CPM: variants seen among roughly 807,000 people sequenced by gnomAD.
CPM encodes renal carboxypeptidase.
CPM carries 35 observed loss-of-function variants against 46.4 expected under a neutral mutation model. The observed-to-expected ratio is 0.75, with a 90% confidence interval of 0.58 to 1.00. The LOEUF (loss-of-function observed/expected upper bound fraction) is 1.00, where lower values mean the gene tolerates loss of function less well. CPM is among the 50% of genes least tolerant of loss of function. The pLI is 0.00. For missense variants in CPM, 422 were observed against 530.4 expected, an observed-to-expected ratio of 0.80 and a Z score of 2.01; for synonymous variants, 195 against 195.3, an observed-to-expected ratio of 1.00 and a Z score of 0.01.
intron 2 of CPM, among the ~76,000 whole-genome samples, chr12:68,889,734 TC>T: frequency 6.6e-6 from 1 of 151,992 alleles, no homozygotes. Flanking sequence ...TATAAGATTC[TC>T]CCCGGGGCCT....
rs912078204 is a variant in CPM, at chr12:68,855,729, G to T, written c.*708C>A. ...GCACTCATGGTGAGGTGTTTTTTTT[G>T]TTTGTTTGTTTTTGTTTTTTTTTTT... On this transcript the variant is annotated 3_prime_UTR_variant, in exon 9 of 9. Transcript: ENST00000551568. 37 of 147,164 alleles carry T rather than the reference G, an allele frequency of 2.5e-4. No individual in the cohort carries two copies. Among genetic ancestry groups the T allele is most frequent in the African/African-American group, 9.3e-4 (36 of 38,642 alleles). 9.1% of individuals were successfully genotyped at this position (147,164 alleles called of 1,614,324 possible). A position where few individuals can be genotyped will look rare whatever the true frequency, so the allele number is the denominator to read the frequency against.
Position 68,904,505 on chromosome 12 carries a change from T to C in CPM, c.161-18616A>G, listed in dbSNP as rs540340906. Among the ~76,000 whole-genome samples, 136 of 152,344 alleles carry C rather than the reference T, an allele frequency of 8.9e-4. 1 individual carries two copies. Among genetic ancestry groups the C allele is most frequent in the Non-Finnish European group, 1.6e-3 (111 of 68,030 alleles). ...AGAGTCAAATGGTTGGGCTTCAGGA[T>C]GAGGCAGATTCTTAGGGGAAGATGG... On this transcript the variant is annotated intron_variant, in intron 2 of 8. Transcript: ENST00000551568.
chr12:68,934,478 A>G (rs907718122), upstream of CPM, among the ~76,000 whole-genome samples: 4 of 152,162 alleles, frequency 2.6e-5, no homozygotes, highest in African/African-American at 9.7e-5. Flanking sequence ...GCCGCAGCAT[A>G]GAAGAGTGGT....
At position 68,856,135 on chromosome 12, in the gene CPM, T is replaced by A. The variant is rs1321072254; in HGVS notation, c.*302A>T. 4 of 322,248 alleles carry A rather than the reference T, an allele frequency of 1.2e-5. No homozygotes were observed. Among genetic ancestry groups the A allele is most frequent in the Non-Finnish European group, 2.3e-5 (4 of 175,156 alleles). The allele number at this position is 322,248 out of a possible 1,614,324, so 20.0% of individuals were successfully genotyped here. A position where few individuals can be genotyped will look rare whatever the true frequency, so the allele number is the denominator to read the frequency against. The stretch of plus-strand genomic sequence containing the variant: ...AAAATGATCTTCTTTTTGCAGGCAT[T>A]TTTTTGCTTCTCAAGTTTTAACTTC... On this transcript the variant is annotated 3_prime_UTR_variant, in exon 9 of 9. Transcript: ENST00000551568.
intron 3 of CPM, among the ~76,000 whole-genome samples, chr12:68,874,627 A>T (rs1382456209): frequency 2.6e-5 from 4 of 152,150 alleles, no homozygotes; most frequent in African/African-American, 9.7e-5. Context: ...AAACCAAAAA[A>T]ATGTGAAAAA....
At chr12:68,880,345 G>T (rs1404785493) in intron 3 of CPM, among the ~76,000 whole-genome samples, 1 of 152,186 alleles carries the variant, frequency 6.6e-6, no homozygotes, top group Admixed American at 6.5e-5. Flanking sequence ...CACCACGAGT[G>T]CTATGTCTGT....
rs753851972 is a variant in CPM at position 68,858,974 on chromosome 12, G to A, written c.1038C>T (p.Asn346=). Residue 346 remains asparagine (N), a synonymous_variant, in exon 8 of 9, where the codon AAC becomes AAT. Coordinates refer to ENST00000551568, the MANE Select transcript of CPM (RefSeq NM_198320.5). Reference sequence around the variant, plus strand: ...GAAGGAGATAATACTCTCCATATTTGTTGGTTCTATAGGGGCAGATATGTT... The same window carrying A: ...GAAGGAGATAATACTCTCCATATTTATTGGTTCTATAGGGGCAGATATGTT... ...DRKHICPYRT[N]KYGEYYLLLL... is the part of the protein sequence containing the mutation. 6.4e-7 allele frequency: 1 copy of A among 1,562,476 alleles called. No individual in the cohort carries two copies. The highest frequency in any genetic ancestry group is 8.7e-7 in the Non-Finnish European group (1 of 1,153,474).
intron 2 of CPM, among the ~76,000 whole-genome samples, chr12:68,902,130 A>G (rs1887141113): frequency 6.6e-6 from 1 of 152,164 alleles, no homozygotes; most frequent in Non-Finnish European, 1.5e-5. Context: ...GGAGAGGTAA[A>G]TATGAGCTTT....
At chr12:68,934,487 G>A (rs1888633030), upstream of CPM, among the ~76,000 whole-genome samples, 1 of 152,160 alleles carries the variant, frequency 6.6e-6, no homozygotes. Flanking sequence ...TAGAAGAGTG[G>A]TTTAAGAACT....
Position 68,856,549 on chromosome 12 carries a change from T to C in CPM, c.1220A>G (p.Asn407Ser). 1 of 1,614,252 alleles carries C rather than the reference T, an allele frequency of 6.2e-7. No individual in the cohort carries two copies. Among genetic ancestry groups the C allele is most frequent in the Non-Finnish European group, 8.5e-7 (1 of 1,180,044 alleles). Residue 407 changes from asparagine to serine, a missense_variant, in exon 9 of 9, where the codon AAT becomes AGT. Transcript: ENST00000551568. ...QGQLDSIPVS[N>S]PSCPMIPLYR... ...TAGAGGAATCATTGGGCATGAAGGA[T>C]TTGATACTGGGATAGAATCCAATTG...
chr12:68,916,397 T>C (rs187501237), intron 2 of CPM, among the ~76,000 whole-genome samples: 33 of 152,332 alleles, frequency 2.2e-4, no homozygotes, highest in African/African-American at 7.9e-4. Flanking sequence ...TAAAAATAAA[T>C]TCACTTGAAG....
intron 1 of CPM, among the ~76,000 whole-genome samples, chr12:68,939,285 ATATAG>A (rs1264637032): frequency 2.0e-5 from 3 of 147,718 alleles, no homozygotes; most frequent in African/African-American, 7.4e-5. Flanking sequence ...ACATATATAC[ATATAG>A]TATATGTATT....
At chr12:68,961,937 A>G (rs1889121615) in intron 1 of CPM, among the ~76,000 whole-genome samples, 2 of 151,738 alleles carry the variant, frequency 1.3e-5, no homozygotes, top group Non-Finnish European at 2.9e-5. Flanking sequence ...GTGGTGGCTC[A>G]TGTCTGTAAT....
chr12:68,947,708 A>T (rs1284070637), intron 1 of CPM, among the ~76,000 whole-genome samples: 2 of 152,000 alleles, frequency 1.3e-5, no homozygotes, highest in African/African-American at 4.8e-5. Context: ...GCAGTTGCAC[A>T]ATCAGGGCTG....
chr12:68,870,805 TCCCTGCTCTG>T (rs1207586265), intron 4 of CPM, among the ~76,000 whole-genome samples: 1 of 152,184 alleles, frequency 6.6e-6, no homozygotes, highest in African/African-American at 2.4e-5. Context: ...ACAGTAGCCA[TCCCTGCTCTG>T]CCCTGCCCAA....
intron 1 of CPM, among the ~76,000 whole-genome samples, chr12:68,946,760 G>A (rs1195813): frequency 6.6e-6 from 1 of 152,030 alleles, no homozygotes; most frequent in Non-Finnish European, 1.5e-5. Flanking sequence ...TGCAAATAGC[G>A]ATACTACCAT....
chr12:68,846,263 A>C (rs1471604734), downstream of CPM: 3 of 147,158 alleles, frequency 2.0e-5, no homozygotes, highest in Non-Finnish European at 4.4e-5. Flanking sequence ...TAATTTTTGT[A>C]TTTTTTGTAG....
chr12:68,902,568 A>G (rs774639940), intron 2 of CPM, among the ~76,000 whole-genome samples: 4 of 152,186 alleles, frequency 2.6e-5, no homozygotes, highest in Non-Finnish European at 5.9e-5. Flanking sequence ...TATTTAAGTG[A>G]TGTCATAATC....
intron 2 of CPM, among the ~76,000 whole-genome samples, chr12:68,906,635 A>G (rs1887362568): frequency 6.6e-6 from 1 of 152,032 alleles, no homozygotes; most frequent in African/African-American, 2.4e-5. Context: ...GATTACAGGT[A>G]TCCGCCATCA....
Sources: allele counts gnomAD v4.1 joint callset (sites outside exome capture counted in the v4.1 genomes callset), GRCh38; gene constraint gnomAD v4.1.1; transcripts MANE v1.5; gene names NCBI Gene and HGNC (gene_info 2026-07-23, HGNC 2026-07-21).